GALNT13: variants seen among roughly 807,000 people sequenced by gnomAD.
GALNT13 encodes the protein UDP-GalNAc:polypeptide N-acetylgalactosaminyltransferase 13.
A neutral mutation model predicts 64.2 loss-of-function variants in GALNT13; 28 were observed. The ratio of observed to expected loss-of-function variants is 0.44; its 90% confidence interval spans 0.32 to 0.60. The LOEUF is 0.60. Ranked by LOEUF, GALNT13 falls within the 20% of genes least tolerant of loss-of-function variation. The pLI is 0.05. For missense variants in GALNT13, 577 were observed against 669.8 expected (o/e 0.86, Z 1.53); for synonymous variants, 214 against 224.6 (o/e 0.95, Z 0.42).
chr2:153,293,149 G>C, the GALNT13 span, among the ~76,000 whole-genome samples: 4 of 151,678 alleles, frequency 2.6e-5, no homozygotes, highest in African/African-American at 9.7e-5. Context: ...ATTTTTATAG[G>C]GTTGCTTTCC....
intron 3 of GALNT13, among the ~76,000 whole-genome samples, chr2:153,983,349 G>T (rs759356537): frequency 6.6e-6 from 1 of 151,712 alleles, no homozygotes; most frequent in African/African-American, 2.4e-5. Context: ...TTTAAAAAAC[G>T]TATCTCAATA....
At chr2:153,118,691 A>G in the GALNT13 span, among the ~76,000 whole-genome samples, 1 of 152,254 alleles carries the variant, frequency 6.6e-6, no homozygotes, top group Non-Finnish European at 1.5e-5. Flanking sequence ...ATACCTTTAT[A>G]GTTCATTATG....
chr2:153,885,784 C>T (rs1574044489), intron 1 of GALNT13, among the ~76,000 whole-genome samples: 1 of 152,174 alleles, frequency 6.6e-6, no homozygotes, highest in Non-Finnish European at 1.5e-5. Context: ...CCTTAGTATC[C>T]TTGGGCTAAC....
At chr2:153,550,438 G>A in the GALNT13 span, among the ~76,000 whole-genome samples, 1 of 151,732 alleles carries the variant, frequency 6.6e-6, no homozygotes, top group Non-Finnish European at 1.5e-5. Context: ...TTGCCATGTT[G>A]GCCAGGCTGG....
chr2:154,327,406 T>A (rs1357396795), intron 9 of GALNT13, among the ~76,000 whole-genome samples: 1 of 152,112 alleles, frequency 6.6e-6, no homozygotes, highest in East Asian at 1.9e-4. Flanking sequence ...TGGTAACACC[T>A]GTTCTGACTT....
At chr2:153,083,724 A>G in the GALNT13 span, among the ~76,000 whole-genome samples, 2 of 152,184 alleles carry the variant, frequency 1.3e-5, no homozygotes, top group Admixed American at 6.5e-5. Context: ...ATTGCTGTGC[A>G]GAAGCTTTTT....
At chr2:153,860,563 C>T in the GALNT13 span, among the ~76,000 whole-genome samples, 1 of 152,036 alleles carries the variant, frequency 6.6e-6, no homozygotes, top group East Asian at 1.9e-4. Flanking sequence ...TGACTTCTAT[C>T]CATATGCAAA....
chr2:154,261,788 C>G (rs964018748), intron 8 of GALNT13, among the ~76,000 whole-genome samples: 1 of 151,852 alleles, frequency 6.6e-6, no homozygotes, highest in Non-Finnish European at 1.5e-5. Context: ...TTTTTTGTCT[C>G]TGTCATGTGA....
the GALNT13 span, among the ~76,000 whole-genome samples, chr2:153,616,001 T>A: frequency 6.6e-6 from 1 of 152,074 alleles, no homozygotes; most frequent in African/African-American, 2.4e-5. Context: ...CTCAAGAAAT[T>A]CTTGCTCAGA....
chr2:153,642,552 C>A, the GALNT13 span, among the ~76,000 whole-genome samples: 1 of 151,746 alleles, frequency 6.6e-6, no homozygotes, highest in African/African-American at 2.4e-5. Context: ...TGGTGTGTAT[C>A]TAATAACATA....
At chr2:153,166,419 A>G in the GALNT13 span, among the ~76,000 whole-genome samples, 2 of 152,168 alleles carry the variant, frequency 1.3e-5, no homozygotes, top group East Asian at 3.9e-4. Context: ...CAGGAATTGT[A>G]TTAAAAAACA....
chr2:154,389,965 T>C (rs1042201080), intron 9 of GALNT13, among the ~76,000 whole-genome samples: 5 of 152,090 alleles, frequency 3.3e-5, no homozygotes, highest in African/African-American at 1.2e-4. Flanking sequence ...TAAGTTTCAG[T>C]TCCTTCAAAA....
intron 3 of GALNT13, among the ~76,000 whole-genome samples, chr2:154,096,012 G>A (rs571389265): frequency 7.2e-5 from 11 of 151,788 alleles, no homozygotes; most frequent in Non-Finnish European, 1.3e-4. Context: ...AGTTTCTTTC[G>A]ACTCTGAGAA....
At chr2:154,064,825 G>T (rs1448947294) in intron 3 of GALNT13, among the ~76,000 whole-genome samples, 3 of 152,146 alleles carry the variant, frequency 2.0e-5, no homozygotes, top group African/African-American at 7.2e-5. Flanking sequence ...TATGAGGAAA[G>T]ATTCCTTCTG....
the GALNT13 span, among the ~76,000 whole-genome samples, chr2:153,311,695 G>A: frequency 6.6e-6 from 1 of 152,164 alleles, no homozygotes; most frequent in African/African-American, 2.4e-5. Flanking sequence ...CCTGCAGCTG[G>A]CTCCTCCCAA....
chr2:153,659,648 C>T, the GALNT13 span, among the ~76,000 whole-genome samples: 143 of 152,074 alleles, frequency 9.4e-4, 1 homozygote, highest in South Asian at 2.1e-3. Context: ...AGTTTTACCA[C>T]GATTCAAACT....
the GALNT13 span, among the ~76,000 whole-genome samples, chr2:153,280,377 T>C: frequency 6.6e-6 from 1 of 152,308 alleles, no homozygotes; most frequent in Non-Finnish European, 1.5e-5. Context: ...AGTTCTGGTC[T>C]GGTTTTAGTT....
the GALNT13 span, among the ~76,000 whole-genome samples, chr2:153,576,736 G>A: frequency 6.6e-6 from 1 of 152,044 alleles, no homozygotes; most frequent in African/African-American, 2.4e-5. Context: ...CTGATTTTTA[G>A]TTCTCATGAA....
the GALNT13 span, among the ~76,000 whole-genome samples, chr2:153,225,531 T>C: frequency 5.9e-5 from 9 of 152,030 alleles, no homozygotes; most frequent in African/African-American, 1.9e-4. Context: ...GATATATAGA[T>C]TGGAAAGAAA....
Sources: allele counts gnomAD v4.1 joint callset (sites outside exome capture counted in the v4.1 genomes callset), GRCh38; gene constraint gnomAD v4.1.1; transcripts MANE v1.5; gene names NCBI Gene and HGNC (gene_info 2026-07-23, HGNC 2026-07-21).